NAA15: variants seen among roughly 807,000 people sequenced by gnomAD.
The protein encoded by NAA15 is N-terminal acetyltransferase.
In NAA15, 34 loss-of-function variants were observed where a neutral mutation model predicts 114.0. The ratio of observed to expected loss-of-function variants is 0.30; its 90% CI spans 0.23 to 0.40. The LOEUF (loss-of-function observed/expected upper bound fraction) is 0.40, where lower values mean the gene tolerates loss of function less well. Among genes scored for constraint, NAA15 ranks in the 10% least tolerant of loss-of-function variants. The probability of loss-of-function intolerance (pLI) is 1.00; values close to 1 mark genes in which losing one functional copy is unlikely to be tolerated. For missense variants in NAA15, 658 were observed against 1,004.5 expected (o/e 0.66, Z 4.66); for synonymous variants, 340 against 338.0 (o/e 1.01, Z -0.06).
intron 1 of NAA15, among the ~76,000 whole-genome samples, chr4:139,309,856 A>G (rs902617466): frequency 1.3e-5 from 2 of 152,194 alleles, no homozygotes; most frequent in African/African-American, 4.8e-5. Flanking sequence ...AGGGAACTGA[A>G]TTTAATGTTC....
Position 139,336,932 on chromosome 4 carries a change from ATGACT to A in NAA15, c.228_232del (p.Asp76GlufsTer20), listed in dbSNP as rs1380822792. ...GAATTGGTTCGTAGAGGTTTGAGAA[ATGACT>A]TGAAGAGTCATGTGTGTATCCTTTT... is the stretch of plus-strand genomic sequence containing the variant. On this transcript the variant is annotated frameshift_variant, in exon 3 of 20. Transcript: ENST00000296543. LOFTEE classifies it high-confidence loss of function. 1 of 1,599,500 alleles carries A rather than the reference ATGACT, an allele frequency of 6.3e-7. No individual in the cohort carries two copies. Among genetic ancestry groups the A allele is most frequent in the Non-Finnish European group, 8.5e-7 (1 of 1,172,580 alleles).
chr4:139,360,878 GATTTTTGAACCTTCCAA>G (rs904146421), intron 13 of NAA15, among the ~76,000 whole-genome samples: 4 of 151,900 alleles, frequency 2.6e-5, no homozygotes, highest in Admixed American at 2.0e-4. Flanking sequence ...TGTTTTTATT[GATTTTTGAACCTTCCAA>G]ATTGCTGCTG....
chr4:139,312,546 G>A (rs918141773), intron 1 of NAA15, among the ~76,000 whole-genome samples: 2 of 151,796 alleles, frequency 1.3e-5, no homozygotes, highest in Admixed American at 1.3e-4. Context: ...TTTAACTAAA[G>A]CAATCTTTTC....
At chr4:139,378,596 A>G (rs1049443462) in intron 16 of NAA15, among the ~76,000 whole-genome samples, 160 bp from the exon 17 acceptor site, 6 of 152,194 alleles carry the variant, frequency 3.9e-5, no homozygotes, top group Non-Finnish European at 1.5e-5. Flanking sequence ...AATATTAACT[A>G]ATGTTGCTAA....
intron 14 of NAA15, 36 bp from the exon 15 acceptor site, chr4:139,370,175 G>T: frequency 7.1e-7 from 1 of 1,412,098 alleles, no homozygotes. Flanking sequence ...TGATTAACAT[G>T]CTTGTTAATT....
chr4:139,349,816 C>T (rs1262931335), intron 7 of NAA15, among the ~76,000 whole-genome samples: 1 of 151,916 alleles, frequency 6.6e-6, no homozygotes, highest in African/African-American at 2.4e-5. Context: ...GAAACCCTGT[C>T]TCTACTAAAA....
intron 4 of NAA15, among the ~76,000 whole-genome samples, chr4:139,341,740 A>G: frequency 1.3e-5 from 2 of 149,610 alleles, no homozygotes; most frequent in African/African-American, 2.5e-5. Context: ...TTTCTTGGAG[A>G]CATTAGAGTC....
In NAA15 at chr4:139,389,194, ATTTTTTTTT is replaced by A. The variant is rs71600201; in HGVS notation, c.*1124_*1132del. ...CTTTGTAATTTTTAAAGGGCCCAAGATTTTTTTTTTTTTTTTTTTTTTCAAATAACAGAC... is the reference window on the plus strand; with the variant it reads ...CTTTGTAATTTTTAAAGGGCCCAAGATTTTTTTTTTTTTCAAATAACAGAC... On this transcript the variant is annotated 3_prime_UTR_variant, in exon 20 of 20. Transcript: ENST00000296543. The A allele has an allele frequency of 8.8e-6, 1 of 113,356 alleles. No homozygotes were observed. Among genetic ancestry groups the A allele is most frequent in the East Asian group, 2.6e-4 (1 of 3,884 alleles). The allele number at this position is 113,356 out of a possible 1,614,324, so 7.0% of individuals were successfully genotyped here.
intron 11 of NAA15, 112 bp from the exon 12 acceptor site, chr4:139,359,631 A>T: frequency 9.9e-7 from 1 of 1,005,938 alleles, no homozygotes; most frequent in East Asian, 2.8e-5. Flanking sequence ...TAAGAGTCAC[A>T]AGAATGCCTT....
intron 4 of NAA15, 127 bp downstream of exon 4, chr4:139,341,196 A>C (rs1435527357): frequency 4.8e-6 from 3 of 622,566 alleles, no homozygotes; most frequent in Non-Finnish European, 7.5e-6. Context: ...TTTTCCTCCT[A>C]CCACAGTGGT....
At chr4:139,349,399 TA>T in intron 6 of NAA15, 62 bp from the exon 7 acceptor site, 1 of 1,409,472 alleles carries the variant, frequency 7.1e-7, no homozygotes, top group Admixed American at 2.7e-5. Context: ...GAGGAAAAGT[TA>T]AAATTCTAAT....
chr4:139,347,329 C>G (rs937890637), intron 6 of NAA15, among the ~76,000 whole-genome samples: 1 of 152,062 alleles, frequency 6.6e-6, no homozygotes, highest in Non-Finnish European at 1.5e-5. Flanking sequence ...ACCGCTGGTA[C>G]AGATACTAAG....
At chr4:139,371,497 G>GCGCACACACACACA (rs1389164527) in intron 15 of NAA15, among the ~76,000 whole-genome samples, 6 of 113,678 alleles carry the variant, frequency 5.3e-5, no homozygotes, top group East Asian at 2.8e-4. Context: ...AAGAAAAGTA[G>GCGCACACACACACA]CACACACACA....
At chr4:139,367,582 T>C (rs183037786) in intron 14 of NAA15, among the ~76,000 whole-genome samples, 38 of 152,306 alleles carry the variant, frequency 2.5e-4, no homozygotes, top group Admixed American at 7.2e-4. Context: ...AGAAGTTTTA[T>C]TGTTTGAGAG....
At chr4:139,352,352 G>T (rs897605361) in intron 9 of NAA15, among the ~76,000 whole-genome samples, 4 of 151,742 alleles carry the variant, frequency 2.6e-5, no homozygotes, top group Admixed American at 2.6e-4. Flanking sequence ...CAAATGATCC[G>T]CCCACCTCGG....
At chr4:139,340,401 T>C (rs1747341729) in intron 3 of NAA15, among the ~76,000 whole-genome samples, 1 of 152,172 alleles carries the variant, frequency 6.6e-6, no homozygotes, top group Non-Finnish European at 1.5e-5. Flanking sequence ...TTTTAGAAAC[T>C]TTGTATTACA....
At chr4:139,317,431 G>A (rs1257960751) in intron 1 of NAA15, among the ~76,000 whole-genome samples, 1 of 152,154 alleles carries the variant, frequency 6.6e-6, no homozygotes, top group African/African-American at 2.4e-5. Flanking sequence ...AGACCAGCCT[G>A]GCCAACATGG....
chr4:139,318,843 A>G (rs1396693891), intron 1 of NAA15, among the ~76,000 whole-genome samples: 1 of 150,688 alleles, frequency 6.6e-6, no homozygotes, highest in East Asian at 2.0e-4. Flanking sequence ...GACAGACCCC[A>G]TCTCAAAAAA....
At chr4:139,352,275 A>G (rs1747802449) in intron 9 of NAA15, among the ~76,000 whole-genome samples, 2 of 151,782 alleles carry the variant, frequency 1.3e-5, no homozygotes. Flanking sequence ...TGCCTGGCTA[A>G]TTTTTGTATT....
Sources: gnomAD v4.1 joint callset for allele counts (sites outside exome capture counted in the v4.1 genomes callset) on GRCh38, gnomAD v4.1.1 for gene constraint, MANE v1.5 for transcripts, NCBI Gene and HGNC (gene_info 2026-07-23, HGNC 2026-07-21) for gene names.